Variants in LTBP2 observed in about 807,000 individuals in gnomAD.
The protein encoded by LTBP2 is latent-transforming growth factor beta-binding protein 2.
In LTBP2, 103 loss-of-function variants were observed where a neutral mutation model predicts 210.6. The observed-to-expected ratio is 0.49, with a 90% CI of 0.42 to 0.58. The LOEUF is 0.58. Among genes scored for constraint, LTBP2 ranks in the 20% least tolerant of loss-of-function variants. LTBP2 has a pLI of 0.00. For missense variants in LTBP2, 2,313 were observed against 2,494.5 expected (o/e 0.93, Z 1.55); for synonymous variants, 1,007 against 1,015.0 (o/e 0.99, Z 0.15).
At chr14:74,520,119 A>G (rs535995689) in intron 17 of LTBP2, among the ~76,000 whole-genome samples, 14 of 152,358 alleles carry the variant, frequency 9.2e-5, no homozygotes, top group Non-Finnish European at 1.8e-4. Flanking sequence ...GCCCTGCTCC[A>G]GTCATACTGC....
intron 8 of LTBP2, among the ~76,000 whole-genome samples, chr14:74,545,163 T>TA (rs2087561858): frequency 1.3e-5 from 2 of 152,148 alleles, no homozygotes. Context: ...CCAGAATGAT[T>TA]AGGGAGATCT....
intron 9 of LTBP2, among the ~76,000 whole-genome samples, chr14:74,533,682 TC>T (rs1380041186): frequency 6.6e-6 from 1 of 152,024 alleles, no homozygotes; most frequent in East Asian, 1.9e-4. Context: ...GCTGCACGCA[TC>T]CCCCCGGAAA....
chr14:74,548,151 G>A (rs1315208200), intron 8 of LTBP2, among the ~76,000 whole-genome samples: 1 of 151,420 alleles, frequency 6.6e-6, no homozygotes, highest in Non-Finnish European at 1.5e-5. Flanking sequence ...AGATGTGCAA[G>A]TTGTGCACTG....
At chr14:74,546,584 C>T (rs530137023) in intron 8 of LTBP2, among the ~76,000 whole-genome samples, 10 of 152,294 alleles carry the variant, frequency 6.6e-5, no homozygotes, top group Non-Finnish European at 7.3e-5. Context: ...TGGTGCCCAG[C>T]GCGCTGAGAT....
rs778112867 is a variant in LTBP2, at chr14:74,499,647, C to CTA, written c.*1235_*1236dup. 4.4e-6 allele frequency: 1 copy of CTA among 226,866 alleles called. No homozygotes were observed. Among genetic ancestry groups the CTA allele is most frequent in the Non-Finnish European group, 8.8e-6 (1 of 114,106 alleles). The allele number at this position is 226,866 out of a possible 1,614,324, so 14.1% of individuals were successfully genotyped here. A position where few individuals can be genotyped will look rare whatever the true frequency, so the allele number is the denominator to read the frequency against. Reference sequence around the variant, plus strand: ...ATTTCCCATTGGAACCCATCATAGGCTATCAGCAGAGCTGGCCAGGGAGTA... The same window carrying CTA: ...ATTTCCCATTGGAACCCATCATAGGCTATATCAGCAGAGCTGGCCAGGGAGTA... On this transcript the variant is annotated 3_prime_UTR_variant, in exon 36 of 36. Coordinates refer to ENST00000261978, the MANE Select transcript of LTBP2 (RefSeq NM_000428.3).
intron 2 of LTBP2, among the ~76,000 whole-genome samples, chr14:74,596,058 T>C (rs138332704): frequency 9.9e-5 from 15 of 151,824 alleles, no homozygotes; most frequent in African/African-American, 3.1e-4. Context: ...TCAAAACGTC[T>C]CTATAAAAAT....
chr14:74,602,772 T>G (rs539808584), intron 2 of LTBP2, among the ~76,000 whole-genome samples: 1 of 152,306 alleles, frequency 6.6e-6, no homozygotes, highest in South Asian at 2.1e-4. Flanking sequence ...ATGGCTTTTC[T>G]CTCCTTCGAG....
At chr14:74,588,659 A>T (rs926169001) in intron 2 of LTBP2, among the ~76,000 whole-genome samples, 1 of 152,068 alleles carries the variant, frequency 6.6e-6, no homozygotes, top group Non-Finnish European at 1.5e-5. Flanking sequence ...GATTATTATT[A>T]TTTTTATTAT....
At chr14:74,607,088 G>C (rs1298155917) in intron 1 of LTBP2, among the ~76,000 whole-genome samples, 1 of 152,206 alleles carries the variant, frequency 6.6e-6, no homozygotes, top group African/African-American at 2.4e-5. Context: ...TTCACAAAAA[G>C]TGGGATGAGC....
rs1293679383 is a variant in LTBP2 at position 74,584,801 on chromosome 14, C to T, written c.830+1053G>A. The stretch of plus-strand genomic sequence containing the variant: ...AACCCAGCTCACCAAGATCCTGGTC[C>T]GCCTGACCTCACCCACTCTCAGAGT... On this transcript the variant is annotated intron_variant, in intron 3 of 35. Coordinates refer to ENST00000261978, the MANE Select transcript of LTBP2 (RefSeq NM_000428.3). 2.6e-5 allele frequency among the ~76,000 whole-genome samples: 4 copies of T among 152,050 alleles called. No homozygotes were observed. The South Asian group carries it at 6.2e-4, about 24-fold the overall frequency.
chr14:74,571,493 C>T (rs2087977553), intron 3 of LTBP2, among the ~76,000 whole-genome samples: 2 of 152,250 alleles, frequency 1.3e-5, no homozygotes, highest in Non-Finnish European at 2.9e-5. Flanking sequence ...TTAAATCACT[C>T]ACTGTAGGCT....
In LTBP2 at chr14:74,510,195, G is replaced by A. The variant is rs149991486; in HGVS notation, c.3047C>T (p.Thr1016Ile). The change falls in exon 20 of 36, where the codon ACT becomes ATT. Residue 1016 changes from threonine to isoleucine, a missense_variant. Coordinates refer to ENST00000261978, the MANE Select transcript of LTBP2 (RefSeq NM_000428.3). Reference protein sequence around the residue: ...GSCVDVNECLTPGVCAHGKCT... With the variant: ...GSCVDVNECLIPGVCAHGKCT... Reference sequence around the variant, plus strand: ...CTTTCCATGGGCACAGACCCCGGGAGTCAGACACTCATTCACATCTGTGGG... The same window carrying A: ...CTTTCCATGGGCACAGACCCCGGGAATCAGACACTCATTCACATCTGTGGG... 3.6e-4 allele frequency: 581 copies of A among 1,613,764 alleles called. 2 individuals carry two copies. Among genetic ancestry groups the A allele is most frequent in the Non-Finnish European group, 4.1e-4 (485 of 1,180,022 alleles).
intron 3 of LTBP2, among the ~76,000 whole-genome samples, chr14:74,565,074 A>C (rs183732337): frequency 1.2e-4 from 18 of 152,208 alleles, no homozygotes; most frequent in African/African-American, 3.9e-4. Flanking sequence ...TGAGATTTTG[A>C]AGCAGGAAAT....
intron 2 of LTBP2, among the ~76,000 whole-genome samples, chr14:74,596,332 A>C (rs1324516964): frequency 6.6e-6 from 1 of 152,220 alleles, no homozygotes; most frequent in African/African-American, 2.4e-5. Context: ...CGAGGGCCCA[A>C]GATCCAGAAG....
At position 74,503,387 on chromosome 14, in the gene LTBP2, CTGGTGGCACAGGGCACGGAGGCACA is replaced by C; in HGVS notation, c.4721-26_4721-2del. Reference sequence around the variant, plus strand: ...TGGATGTCGTGGTCAGGGAGGTCCTCTGGTGGCACAGGGCACGGAGGCACATGAGCCCCCCAGCCCAGGTACCCTT... The same window carrying C: ...TGGATGTCGTGGTCAGGGAGGTCCTCTGAGCCCCCCAGCCCAGGTACCCTT... On this transcript the variant is annotated splice_acceptor_variant and splice_polypyrimidine_tract_variant and intron_variant, in intron 32 of 35. Coordinates refer to ENST00000261978, the MANE Select transcript of LTBP2 (RefSeq NM_000428.3). LOFTEE classifies it high-confidence loss of function. 6.2e-7 allele frequency: 1 copy of C among 1,612,402 alleles called. No homozygotes were observed. The highest frequency in any genetic ancestry group is 1.1e-5 in the South Asian group (1 of 90,968).
At chr14:74,510,648 C>A (rs140130762) in intron 19 of LTBP2, among the ~76,000 whole-genome samples, 79 of 152,328 alleles carry the variant, frequency 5.2e-4, no homozygotes, top group African/African-American at 1.9e-3. Context: ...TGGAGAGAGG[C>A]CAGTCATGCC....
chr14:74,525,120 C>G lies in LTBP2; in HGVS notation c.2530+4G>C. The G allele has an allele frequency of 7.6e-7, 1 of 1,322,292 alleles. No homozygotes were observed. Among genetic ancestry groups the G allele is most frequent in the Non-Finnish European group, 9.8e-7 (1 of 1,025,000 alleles). 81.9% of individuals were successfully genotyped at this position (1,322,292 alleles called of 1,614,324 possible). On this transcript the variant is annotated splice_donor_region_variant and intron_variant, in intron 15 of 35. Transcript: ENST00000261978. ...GGGAGCCCCAAAGGTCTGGCTGCAG[C>G]TACCTGGGGTGCTCAGGGTCACCAG...
Position 74,611,535 on chromosome 14 carries a change from C to T in LTBP2, c.410G>A (p.Arg137Gln), listed in dbSNP as rs1305908831. 1 of 1,556,378 alleles carries T rather than the reference C, an allele frequency of 6.4e-7. No homozygotes were observed. Among genetic ancestry groups the T allele is most frequent in the Non-Finnish European group, 8.6e-7 (1 of 1,159,754 alleles). Residue 137 changes from arginine to glutamine, a missense_variant, in exon 1 of 36, where the codon CGG becomes CAG. Arg to Gln is a conservative substitution (Grantham distance 43, BLOSUM62 1). Coordinates refer to ENST00000261978, the MANE Select transcript of LTBP2 (RefSeq NM_000428.3). ...LGQQQPAPRT[R>Q]AAPALPRLGT... Reference sequence around the variant, plus strand: ...CAGGCGTGGGAGAGCCGGCGCGGCCCGGGTCCGGGGTGCTGGTTGCTGCTG... The same window carrying T: ...CAGGCGTGGGAGAGCCGGCGCGGCCTGGGTCCGGGGTGCTGGTTGCTGCTG...
chr14:74,608,743 AAG>A (rs2088564385), intron 1 of LTBP2, among the ~76,000 whole-genome samples: 1 of 119,898 alleles, frequency 8.3e-6, no homozygotes, highest in Admixed American at 8.7e-5. Flanking sequence ...AAAAGAAAGA[AAG>A]AATAAAGAAA....
Sources: gnomAD v4.1 joint callset for allele counts (sites outside exome capture counted in the v4.1 genomes callset) on GRCh38, gnomAD v4.1.1 for gene constraint, MANE v1.5 for transcripts, NCBI Gene and HGNC (gene_info 2026-07-23, HGNC 2026-07-21) for gene names.